The following ELOVL6 variants were observed in gnomAD, a reference collection of about 807,000 sequenced individuals.
ELOVL6 encodes ELOVL fatty acid elongase 6, also known as very long chain fatty acid elongase 6.
ELOVL6 carries 8 observed loss-of-function variants against 31.7 expected under a neutral mutation model. The ratio of observed to expected loss-of-function variants is 0.25; its 90% CI spans 0.15 to 0.45. The LOEUF is 0.45. ELOVL6 is among the 20% of genes least tolerant of loss of function. The probability of loss-of-function intolerance (pLI) is 1.00; values close to 1 mark genes in which losing one functional copy is unlikely to be tolerated. For synonymous variants in ELOVL6, 101 were observed against 117.7 expected, an observed-to-expected ratio of 0.86 and a Z score of 0.92; for missense variants, 126 against 326.4, an observed-to-expected ratio of 0.39 and a Z score of 4.73.
At position 110,057,991 on chromosome 4, in the gene ELOVL6, T is replaced by C. The variant is rs572514939; in HGVS notation, c.373+1612A>G. ...ATCAAAGCAAATTAAAATATTCTCA[T>C]ATAATTTTAAAATTCCCAGAAATAC... On this transcript the variant is annotated intron_variant, in intron 3 of 3. Coordinates refer to ENST00000302274, the MANE Select transcript of ELOVL6 (RefSeq NM_024090.3). 2.8e-4 allele frequency among the ~76,000 whole-genome samples: 43 copies of C among 152,234 alleles called. 1 individual carries two copies. The South Asian group carries it at 8.3e-3, about 29-fold the overall frequency.
At chr4:110,057,255 A>C (rs539817543) in intron 3 of ELOVL6, among the ~76,000 whole-genome samples, 2 of 152,076 alleles carry the variant, frequency 1.3e-5, no homozygotes, top group Non-Finnish European at 2.9e-5. Context: ...TCTGAGGCTT[A>C]AAGGTCGGAA....
chr4:110,075,679 G>C (rs1382594266), intron 2 of ELOVL6, among the ~76,000 whole-genome samples: 1 of 152,014 alleles, frequency 6.6e-6, no homozygotes, highest in Non-Finnish European at 1.5e-5. Context: ...TCTAAAAATT[G>C]GTTGCACAAC....
chr4:110,172,376 C>G (rs576863173), intron 1 of ELOVL6, among the ~76,000 whole-genome samples: 2 of 152,246 alleles, frequency 1.3e-5, no homozygotes, highest in East Asian at 1.9e-4. Context: ...ATGTATTGAT[C>G]AATTGTTGAA....
Position 110,051,279 on chromosome 4 carries a change from C to A in ELOVL6, c.*59G>T. The A allele has an allele frequency of 2.6e-6, 4 of 1,538,678 alleles. No homozygotes were observed. The highest frequency in any genetic ancestry group is 2.6e-6 in the Non-Finnish European group (3 of 1,133,634). On this transcript the variant is annotated 3_prime_UTR_variant, in exon 4 of 4. Coordinates refer to ENST00000302274, the MANE Select transcript of ELOVL6 (RefSeq NM_024090.3). The surrounding 1 kb of genome is among the most constrained non-coding windows in gnomAD (Gnocchi z 4.8). Reference sequence around the variant, plus strand: ...CACGTGTGATTCCTTGTGCCATTTTCTTTTGTCTATTATTTTTCTTGATGA... The same window carrying A: ...CACGTGTGATTCCTTGTGCCATTTTATTTTGTCTATTATTTTTCTTGATGA...
intron 2 of ELOVL6, among the ~76,000 whole-genome samples, chr4:110,072,411 G>A (rs757292055): frequency 1.4e-4 from 21 of 152,240 alleles, no homozygotes; most frequent in Non-Finnish European, 2.4e-4. Context: ...GGGAGTCAGA[G>A]GTTGCAGTGA....
intron 1 of ELOVL6, among the ~76,000 whole-genome samples, chr4:110,154,526 A>G (rs984065395): frequency 6.6e-6 from 1 of 152,222 alleles, no homozygotes; most frequent in African/African-American, 2.4e-5. Flanking sequence ...AAGAGCTGGG[A>G]TTACAGGCAT....
chr4:110,083,605 TA>T (rs1287463677), intron 2 of ELOVL6, among the ~76,000 whole-genome samples: 1 of 151,692 alleles, frequency 6.6e-6, no homozygotes, highest in African/African-American at 2.4e-5. Flanking sequence ...TGGTAGGTTT[TA>T]AGCAGGTAAT....
chr4:110,118,606 A>T (rs1757254799), intron 1 of ELOVL6, among the ~76,000 whole-genome samples: 1 of 152,322 alleles, frequency 6.6e-6, no homozygotes, highest in Admixed American at 6.5e-5. Context: ...GCGAAATAAA[A>T]TTCCATTATA....
chr4:110,153,380 C>T (rs1020036323), intron 1 of ELOVL6, among the ~76,000 whole-genome samples: 11 of 152,262 alleles, frequency 7.2e-5, no homozygotes, highest in African/African-American at 2.6e-4. Flanking sequence ...CTACTTATCT[C>T]TTTTGAGTGA....
rs984711854 is a variant in ELOVL6, at chr4:110,048,798, A to C, written c.*2540T>G. The stretch of plus-strand genomic sequence containing the variant: ...TTTAGCTAATTTTAAAACTATTAAG[A>C]CATTCACCCTGTAAACAAAAATTCC... On this transcript the variant is annotated 3_prime_UTR_variant, in exon 4 of 4. Transcript: ENST00000302274. 4.6e-5 allele frequency: 7 copies of C among 152,246 alleles called. No individual in the cohort carries two copies. Among genetic ancestry groups the C allele is most frequent in the Admixed American group, 3.3e-4 (5 of 15,286 alleles). 9.4% of individuals were successfully genotyped at this position (152,246 alleles called of 1,614,324 possible).
chr4:110,169,082 C>T (rs1758863686), intron 1 of ELOVL6, among the ~76,000 whole-genome samples: 1 of 152,108 alleles, frequency 6.6e-6, no homozygotes, highest in African/African-American at 2.4e-5. Flanking sequence ...CCATCTCAGC[C>T]TCCCAAGTTG....
At chr4:110,066,532 G>C (rs146950632) in intron 2 of ELOVL6, among the ~76,000 whole-genome samples, 1 of 150,868 alleles carries the variant, frequency 6.6e-6, no homozygotes, top group Non-Finnish European at 1.5e-5. Flanking sequence ...CCAGCTACTC[G>C]GGAGGCTGAG....
chr4:110,159,468 C>CT (rs915911728), intron 1 of ELOVL6, among the ~76,000 whole-genome samples: 9 of 148,790 alleles, frequency 6.0e-5, no homozygotes, highest in South Asian at 2.1e-4. Flanking sequence ...CACAGTTTTT[C>CT]TTTTTTTTTT....
chr4:110,067,337 T>G (rs1323394317), intron 2 of ELOVL6, among the ~76,000 whole-genome samples: 1 of 152,214 alleles, frequency 6.6e-6, no homozygotes. Flanking sequence ...AAAAATTACA[T>G]ATCACATTAT....
At position 110,152,841 on chromosome 4, in the gene ELOVL6, A is replaced by G. The variant is rs943089551; in HGVS notation, c.89+45406T>C. ...TCAGAAAATTTTAGAAGGGGAAAGC[A>G]TTTTACTGCACTGTCCTAGAAACCT... On this transcript the variant is annotated intron_variant, in intron 1 of 3. Coordinates refer to ENST00000302274, the MANE Select transcript of ELOVL6 (RefSeq NM_024090.3). 3.3e-5 allele frequency among the ~76,000 whole-genome samples: 5 copies of G among 152,244 alleles called. No homozygotes were observed. In the South Asian group the frequency reaches 6.2e-4, roughly 19 times the overall value.
chr4:110,147,278 T>TAAAAAAAAAAAAAAAAAAAAAAAAAAAAA, intron 1 of ELOVL6: 1 of 129,460 alleles, frequency 7.7e-6, no homozygotes, highest in South Asian at 2.5e-4. Flanking sequence ...CAATTAAAAG[T>TAAAAAAAAAAAAAAAAAAAAAAAAAAAAA]AAAAAAAAAA....
At chr4:110,084,128 TGTG>T (rs1410249437) in intron 2 of ELOVL6, among the ~76,000 whole-genome samples, 2 of 46,286 alleles carry the variant, frequency 4.3e-5, no homozygotes, top group Non-Finnish European at 6.6e-5. Context: ...ATAACATATA[TGTG>T]ATAATGATAT....
At chr4:110,130,803 C>T (rs1297335846) in intron 1 of ELOVL6, among the ~76,000 whole-genome samples, 1 of 152,168 alleles carries the variant, frequency 6.6e-6, no homozygotes, top group Non-Finnish European at 1.5e-5. Context: ...CTCAGACTAG[C>T]TTTTATGCAC....
chr4:110,157,826 C>A (rs1392533210), intron 1 of ELOVL6, among the ~76,000 whole-genome samples: 1 of 152,138 alleles, frequency 6.6e-6, no homozygotes, highest in Non-Finnish European at 1.5e-5. Context: ...GTTGAAATAG[C>A]CTAAATGGCA....
Sources: allele counts gnomAD v4.1 joint callset (sites outside exome capture counted in the v4.1 genomes callset), GRCh38; gene constraint gnomAD v4.1.1; non-coding constraint Gnocchi (gnomAD v3.1); transcripts MANE v1.5; gene names NCBI Gene and HGNC (gene_info 2026-07-23, HGNC 2026-07-21).